The following EHBP1 variants were observed in gnomAD, a reference collection of about 807,000 sequenced individuals.
EHBP1 encodes the protein EH domain-binding protein 1.
In EHBP1, 55 loss-of-function variants were observed where a neutral mutation model predicts 144.0. The observed-to-expected ratio is 0.38, with a 90% CI of 0.31 to 0.48. EHBP1 has a LOEUF of 0.48. Ranked by LOEUF, EHBP1 falls within the 20% of genes least tolerant of loss-of-function variation. EHBP1 has a pLI of 0.98. For synonymous variants in EHBP1, 469 were observed against 472.7 expected, an observed-to-expected ratio of 0.99 and a Z score of 0.10; for missense variants, 1,200 against 1,364.2, an observed-to-expected ratio of 0.88 and a Z score of 1.90.
intron 10 of EHBP1, chr2:62,939,807 AG>A (rs2056628366): frequency 6.1e-6 from 1 of 162,932 alleles, no homozygotes. Context: ...GGAACAACAA[AG>A]AGATTAATAT....
At chr2:62,690,951 A>G (rs1053248211) in intron 1 of EHBP1, among the ~76,000 whole-genome samples, 1 of 152,218 alleles carries the variant, frequency 6.6e-6, no homozygotes, top group Admixed American at 6.5e-5. Flanking sequence ...ATGCATTTGT[A>G]CAGTTCTAGA....
At chr2:62,895,509 A>G (rs1200256619) in intron 10 of EHBP1, among the ~76,000 whole-genome samples, 1 of 152,024 alleles carries the variant, frequency 6.6e-6, no homozygotes, top group Non-Finnish European at 1.5e-5. Flanking sequence ...CCTTTGATAG[A>G]TCTTGGGTCC....
rs760062696 is a variant in EHBP1, at chr2:63,038,765, C to G, written c.3226C>G (p.Arg1076Gly). Residue 1076 changes from arginine (R) to glycine (G), a missense_variant, in exon 21 of 23, where the codon CGA becomes GGA. Around this residue, in one of 6 missense-constraint regions of EHBP1, gnomAD observed 149 missense variants for 217.0 expected, o/e 0.69. Transcript: ENST00000431489. ...SLLEKEHDLE[R>G]RYELLNRELR... ...CAGGGAAAAAGAACATGATTTAGAA[C>G]GACGGTATGAGCTGCTGAACCGGGA... The G allele has an allele frequency of 1.2e-6, 2 of 1,613,294 alleles. No homozygotes were observed. Among genetic ancestry groups the G allele is most frequent in the East Asian group, 2.2e-5 (1 of 44,858 alleles).
intron 2 of EHBP1, among the ~76,000 whole-genome samples, chr2:62,722,181 G>A (rs959275139): frequency 6.6e-6 from 1 of 151,840 alleles, no homozygotes; most frequent in Non-Finnish European, 1.5e-5. Flanking sequence ...CCATGCTGGA[G>A]TGCAGTGGCG....
chr2:62,788,824 T>C (rs952555573), intron 5 of EHBP1, among the ~76,000 whole-genome samples: 5 of 152,344 alleles, frequency 3.3e-5, no homozygotes, highest in Non-Finnish European at 7.4e-5. Context: ...GTTGAAGGCA[T>C]GCTGTGACCC....
intron 7 of EHBP1, among the ~76,000 whole-genome samples, chr2:62,841,678 T>C (rs1474447419): frequency 6.6e-6 from 1 of 152,234 alleles, no homozygotes; most frequent in African/African-American, 2.4e-5. Flanking sequence ...TTTATAATGA[T>C]GGCAGCAATA....
At chr2:63,002,718 C>A (rs2059898194) in intron 19 of EHBP1, among the ~76,000 whole-genome samples, 1 of 151,978 alleles carries the variant, frequency 6.6e-6, no homozygotes, top group African/African-American at 2.4e-5. Flanking sequence ...ACAGAGTAGT[C>A]TAATTTTACT....
chr2:62,953,037 G>T (rs1166127111), intron 13 of EHBP1, among the ~76,000 whole-genome samples: 1 of 151,814 alleles, frequency 6.6e-6, no homozygotes, highest in Admixed American at 6.6e-5. Context: ...TGACCAACAT[G>T]GAGAAACCCT....
intron 15 of EHBP1, among the ~76,000 whole-genome samples, chr2:62,990,072 T>G (rs1425490862): frequency 6.6e-6 from 1 of 152,176 alleles, no homozygotes; most frequent in Non-Finnish European, 1.5e-5. Context: ...TTAGTTGTGT[T>G]TCTACTCATT....
rs779933816 is a variant in EHBP1 at position 62,826,070 on chromosome 2, T to C, written c.313-17T>C. On this transcript the variant is annotated splice_polypyrimidine_tract_variant and intron_variant, in intron 5 of 22. Transcript: ENST00000431489. ...ATAACTCAAAATTACATACTTTTTT[T>C]TTCTTTAATCTTCCAGGAATCCCCT... The C allele has an allele frequency of 1.4e-6, 2 of 1,436,146 alleles. No homozygotes were observed. The highest frequency in any genetic ancestry group is 1.8e-4 in the Middle Eastern group (1 of 5,442). 89.0% of individuals were successfully genotyped at this position (1,436,146 alleles called of 1,614,324 possible). A position where few individuals can be genotyped will look rare whatever the true frequency, so the allele number is the denominator to read the frequency against.
At chr2:62,996,811 G>A (rs749555788) in intron 19 of EHBP1, 45 bp downstream of exon 19, 12 of 1,594,906 alleles carry the variant, frequency 7.5e-6, no homozygotes, top group African/African-American at 1.4e-5. Context: ...CAAATTGAGC[G>A]TTCACAAACT....
intron 14 of EHBP1, among the ~76,000 whole-genome samples, chr2:62,976,671 G>C (rs917580596): frequency 2.6e-5 from 4 of 151,836 alleles, no homozygotes; most frequent in African/African-American, 9.7e-5. Flanking sequence ...TTTTCTCTAG[G>C]GTACCTCTTC....
At chr2:62,955,475 CG>C in intron 13 of EHBP1, 41 bp from the exon 14 acceptor site, 3 of 1,428,618 alleles carry the variant, frequency 2.1e-6, no homozygotes, top group East Asian at 4.5e-5. Context: ...GTAGATTACC[CG>C]TTTTTTTTTT....
chr2:62,993,931 C>T lies in EHBP1; in HGVS notation c.2933C>T (p.Ala978Val), dbSNP rs1200456239. 6.9e-6 allele frequency: 11 copies of T among 1,588,454 alleles called. No individual in the cohort carries two copies. Among genetic ancestry groups the T allele is most frequent in the South Asian group, 1.1e-5 (1 of 87,034 alleles). Reference protein sequence around the residue: ...DTKKGNEEKAAITETQRKPSE... With the variant: ...DTKKGNEEKAVITETQRKPSE... ...AAGAAAGGAAATGAGGAGAAGGCAG[C>T]GATAACTGAAACTCAGAGGAAGCCA... Residue 978 changes from alanine (A) to valine (V), a missense_variant, in exon 18 of 23, where the codon GCG (alanine) becomes GTG (valine). By Grantham distance (64) the Ala-to-Val change is moderately conservative. Transcript: ENST00000431489.
intron 3 of EHBP1, among the ~76,000 whole-genome samples, chr2:62,751,760 G>A (rs2039745412): frequency 2.0e-5 from 3 of 152,100 alleles, no homozygotes; most frequent in Admixed American, 1.3e-4. Context: ...AGATTTTCTA[G>A]TTTATTTGTG....
chr2:62,739,258 C>T (rs1267887154), intron 2 of EHBP1, among the ~76,000 whole-genome samples: 1 of 152,058 alleles, frequency 6.6e-6, no homozygotes, highest in Non-Finnish European at 1.5e-5. Context: ...CTCTTGAGAC[C>T]CTTAAGGTCA....
chr2:62,681,307 AAT>A (rs1288429722), intron 1 of EHBP1, among the ~76,000 whole-genome samples: 3 of 82,124 alleles, frequency 3.7e-5, no homozygotes, highest in African/African-American at 5.5e-5. Flanking sequence ...CTCCATCTCA[AAT>A]ATATATATAT....
intron 5 of EHBP1, among the ~76,000 whole-genome samples, chr2:62,788,897 A>C (rs533653941): frequency 6.6e-6 from 1 of 152,348 alleles, no homozygotes; most frequent in Non-Finnish European, 1.5e-5. Flanking sequence ...TGCATGAATA[A>C]TTCTGTGTTA....
chr2:62,719,695 A>T (rs1259042178), intron 2 of EHBP1, among the ~76,000 whole-genome samples: 1 of 152,240 alleles, frequency 6.6e-6, no homozygotes, highest in Non-Finnish European at 1.5e-5. Flanking sequence ...TTCTCTAAAA[A>T]ATACAGTATA....
Sources: gnomAD v4.1 joint callset for allele counts (sites outside exome capture counted in the v4.1 genomes callset) on GRCh38, gnomAD v4.1.1 for gene constraint, gnomAD v4.1.1 regional missense constraint, MANE v1.5 for transcripts, NCBI Gene and HGNC (gene_info 2026-07-23, HGNC 2026-07-21) for gene names.